The following CWC27 variants were observed in gnomAD, a reference collection of about 807,000 sequenced individuals.
CWC27 encodes spliceosome-associated protein CWC27 homolog.
A neutral mutation model predicts 63.6 loss-of-function variants in CWC27; 47 were observed. That is an observed-to-expected ratio of 0.74 (90% CI 0.58 to 0.94). The LOEUF (loss-of-function observed/expected upper bound fraction) is 0.94. Among genes scored for constraint, CWC27 ranks in the 40% least tolerant of loss-of-function variants. The pLI is 0.00. For synonymous variants in CWC27, 175 were observed against 179.8 expected (o/e 0.97, Z 0.22); for missense variants, 495 against 554.3 (o/e 0.89, Z 1.07).
At chr5:64,994,692 A>G (rs1316890310) in intron 13 of CWC27, among the ~76,000 whole-genome samples, 1 of 152,058 alleles carries the variant, frequency 6.6e-6, no homozygotes, top group Non-Finnish European at 1.5e-5. Context: ...CTATCAGCTC[A>G]GGAATGACTT....
At chr5:64,787,664 T>C (rs1221502650) in intron 6 of CWC27, among the ~76,000 whole-genome samples, 2 of 152,058 alleles carry the variant, frequency 1.3e-5, no homozygotes, top group Non-Finnish European at 2.9e-5. Flanking sequence ...TAAATTTCAG[T>C]ATTTTGGACA....
At chr5:64,954,256 C>T (rs1748762912) in intron 11 of CWC27, among the ~76,000 whole-genome samples, 1 of 152,074 alleles carries the variant, frequency 6.6e-6, no homozygotes, top group Admixed American at 6.6e-5. Flanking sequence ...ATATCCTGGT[C>T]TTTCCAGTGA....
intron 10 of CWC27, among the ~76,000 whole-genome samples, chr5:64,848,188 G>C (rs1746038883): frequency 6.6e-6 from 1 of 152,112 alleles, no homozygotes. Context: ...CAGTAGAACT[G>C]ATACCATGGA....
chr5:64,996,873 A>G (rs1026193641), intron 13 of CWC27, among the ~76,000 whole-genome samples: 17 of 152,138 alleles, frequency 1.1e-4, no homozygotes, highest in African/African-American at 3.9e-4. Flanking sequence ...CCACCTAAGT[A>G]ACAGTTTCTC....
chr5:64,859,660 TA>T (rs1341317009), intron 10 of CWC27, among the ~76,000 whole-genome samples: 1 of 152,130 alleles, frequency 6.6e-6, no homozygotes, highest in Non-Finnish European at 1.5e-5. Flanking sequence ...AGCATATTAC[TA>T]AAAACTAAAG....
chr5:64,944,370 A>G (rs149469980), intron 11 of CWC27, among the ~76,000 whole-genome samples: 1 of 152,132 alleles, frequency 6.6e-6, no homozygotes, highest in African/African-American at 2.4e-5. Context: ...TAGCCCTCTT[A>G]AGTGACCTAT....
chr5:64,856,806 AAATT>A (rs1746269263), intron 10 of CWC27, among the ~76,000 whole-genome samples: 1 of 152,170 alleles, frequency 6.6e-6, no homozygotes, highest in African/African-American at 2.4e-5. Flanking sequence ...TTTCTATAAT[AAATT>A]CCATTTTTTT....
rs57958257 is a variant in CWC27 at position 64,970,958 on chromosome 5, AGTGTGTGTGTGTGTGTGT to A, written c.1043-720_1043-703del. Among the ~76,000 whole-genome samples the A allele has an allele frequency of 2.8e-5, 4 of 143,510 alleles. No individual in the cohort carries two copies. The Admixed American group carries it at 2.8e-4, about 10-fold the overall frequency. 94.1% of individuals were successfully genotyped at this position (143,510 alleles called of 152,430 possible). A position where few individuals can be genotyped will look rare whatever the true frequency, so the allele number is the denominator to read the frequency against. ...AAAGAGAAGAGAGAGAGAGAGAGGG[AGTGTGTGTGTGTGTGTGT>A]GTGTGTGTGTGTGTGTGTGTGTGTT... is the stretch of plus-strand genomic sequence containing the variant. On this transcript the variant is annotated intron_variant, in intron 11 of 13. Transcript: ENST00000381070.
intron 11 of CWC27, among the ~76,000 whole-genome samples, chr5:64,944,505 A>G (rs1748549306): frequency 6.6e-6 from 1 of 152,182 alleles, no homozygotes; most frequent in African/African-American, 2.4e-5. Flanking sequence ...TTTACATATC[A>G]TCTATTGCTA....
intron 13 of CWC27, among the ~76,000 whole-genome samples, chr5:64,987,197 C>G (rs1204259701): frequency 1.3e-5 from 2 of 151,826 alleles, no homozygotes; most frequent in Admixed American, 1.3e-4. Flanking sequence ...TTAGCATTTC[C>G]ATTTAATTTA....
At chr5:64,799,802 C>T (rs1166482870) in intron 7 of CWC27, among the ~76,000 whole-genome samples, 3 of 151,610 alleles carry the variant, frequency 2.0e-5, no homozygotes, top group African/African-American at 4.8e-5. Context: ...TAAGTAGTTC[C>T]TCGGGGATGC....
chr5:64,892,020 C>T (rs1747251436), intron 11 of CWC27, among the ~76,000 whole-genome samples: 1 of 152,148 alleles, frequency 6.6e-6, no homozygotes, highest in African/African-American at 2.4e-5. Flanking sequence ...GTGTTGAACT[C>T]CTGACCTTAG....
chr5:64,939,425 G>A (rs888333954), intron 11 of CWC27, among the ~76,000 whole-genome samples: 1 of 152,172 alleles, frequency 6.6e-6, no homozygotes, highest in African/African-American at 2.4e-5. Context: ...GATCCTGTTT[G>A]CCTAGTTATT....
intron 11 of CWC27, among the ~76,000 whole-genome samples, chr5:64,966,446 A>G (rs1030687523): frequency 6.6e-6 from 1 of 152,168 alleles, no homozygotes; most frequent in Non-Finnish European, 1.5e-5. Context: ...ATAGTTTGTT[A>G]GGTGTTTGCC....
intron 11 of CWC27, among the ~76,000 whole-genome samples, chr5:64,930,057 T>C (rs757536384): frequency 2.6e-5 from 4 of 152,188 alleles, no homozygotes; most frequent in Non-Finnish European, 4.4e-5. Flanking sequence ...TGATTCATGC[T>C]ACAACATGGA....
At position 64,931,109 on chromosome 5, in the gene CWC27, G is replaced by A. The variant is rs142427294; in HGVS notation, c.1043-40594G>A. The stretch of plus-strand genomic sequence containing the variant: ...AACTTGACACAATGAAATATGGATG[G>A]TGTAGTAAAGTATTGCATCACTATG... On this transcript the variant is annotated intron_variant, in intron 11 of 13. Transcript: ENST00000381070. Among the ~76,000 whole-genome samples the A allele has an allele frequency of 6.9e-4, 105 of 152,186 alleles. 3 individuals are homozygous for A. The East Asian group carries it at 0.016, about 23-fold the overall frequency.
intron 10 of CWC27, among the ~76,000 whole-genome samples, chr5:64,827,275 A>C (rs1234590195): frequency 6.6e-6 from 1 of 152,192 alleles, no homozygotes; most frequent in Non-Finnish European, 1.5e-5. Context: ...GAGATTTGGA[A>C]GGTACCTAGA....
chr5:65,006,157 T>C (rs1749837604), intron 13 of CWC27, among the ~76,000 whole-genome samples: 1 of 152,250 alleles, frequency 6.6e-6, no homozygotes, highest in Non-Finnish European at 1.5e-5. Context: ...TTTTGTTCTT[T>C]GTTTTTCAAT....
chr5:64,820,418 A>G (rs999177776), intron 10 of CWC27, among the ~76,000 whole-genome samples: 18 of 151,950 alleles, frequency 1.2e-4, no homozygotes, highest in Non-Finnish European at 2.4e-4. Context: ...TTGTTGTTAT[A>G]TTTTCATTCT....
Sources: allele counts gnomAD v4.1 joint callset (sites outside exome capture counted in the v4.1 genomes callset), GRCh38; gene constraint gnomAD v4.1.1; transcripts MANE v1.5; gene names NCBI Gene and HGNC (gene_info 2026-07-23, HGNC 2026-07-21).